CACNA1E: variants seen among roughly 807,000 people sequenced by gnomAD.
CACNA1E encodes the protein calcium voltage-gated channel subunit alpha1 E.
Under a neutral mutation model 259.2 loss-of-function variants are expected in CACNA1E, and 40 were observed. That is an observed-to-expected ratio of 0.15 (90% confidence interval 0.12 to 0.20). CACNA1E has a LOEUF of 0.20. CACNA1E is among the 10% of genes least tolerant of loss of function. CACNA1E has a pLI of 1.00. For synonymous variants in CACNA1E, 1,104 were observed against 1,138.5 expected, an observed-to-expected ratio of 0.97 and a Z score of 0.61; for missense variants, 1,874 against 3,040.1, an observed-to-expected ratio of 0.62 and a Z score of 9.02.
intron 7 of CACNA1E, among the ~76,000 whole-genome samples, chr1:181,691,858 A>G (rs948768802): frequency 3.3e-5 from 5 of 152,156 alleles, no homozygotes; most frequent in Admixed American, 6.6e-5. Flanking sequence ...GTATTCAAAT[A>G]GGAAAAGAAG....
chr1:181,330,301 C>T (rs975819470), intron 1 of CACNA1E, among the ~76,000 whole-genome samples: 2 of 152,120 alleles, frequency 1.3e-5, no homozygotes, highest in Non-Finnish European at 2.9e-5. Flanking sequence ...CACCACCCCT[C>T]CCTGCCATGG....
intron 6 of CACNA1E, among the ~76,000 whole-genome samples, chr1:181,582,281 T>TGAGA (rs1651617993): frequency 6.6e-6 from 1 of 152,190 alleles, no homozygotes; most frequent in African/African-American, 2.4e-5. Context: ...CACTCTGCAG[T>TGAGA]TCTCACCAGC....
At chr1:181,647,723 A>C (rs1042012399) in intron 6 of CACNA1E, among the ~76,000 whole-genome samples, 3 of 152,226 alleles carry the variant, frequency 2.0e-5, no homozygotes, top group Admixed American at 6.5e-5. Context: ...CTGGCATCAG[A>C]AAGAACCATG....
At chr1:181,342,473 G>A (rs1652239452) in intron 1 of CACNA1E, among the ~76,000 whole-genome samples, 1 of 152,040 alleles carries the variant, frequency 6.6e-6, no homozygotes, top group Non-Finnish European at 1.5e-5. Flanking sequence ...ACAGTAGAAT[G>A]GATAAATAAT....
At chr1:181,714,177 G>A (rs1475239736) in intron 8 of CACNA1E, among the ~76,000 whole-genome samples, 2 of 152,132 alleles carry the variant, frequency 1.3e-5, no homozygotes, top group Admixed American at 6.5e-5. Flanking sequence ...TATCTGCCTG[G>A]CTGACTACAA....
intron 34 of CACNA1E, among the ~76,000 whole-genome samples, chr1:181,765,714 G>A (rs1432562008): frequency 1.3e-5 from 2 of 152,128 alleles, no homozygotes; most frequent in Non-Finnish European, 2.9e-5. Flanking sequence ...CTTAGTGGAT[G>A]GTAAAGAAGA....
intron 18 of CACNA1E, among the ~76,000 whole-genome samples, chr1:181,729,646 A>G (rs916794539): frequency 6.6e-6 from 1 of 152,176 alleles, no homozygotes; most frequent in Non-Finnish European, 1.5e-5. Flanking sequence ...AGGCGTACAC[A>G]AGGTCTCATT....
At chr1:181,612,413 T>G (rs1423851689) in intron 6 of CACNA1E, among the ~76,000 whole-genome samples, 1 of 152,166 alleles carries the variant, frequency 6.6e-6, no homozygotes, top group African/African-American at 2.4e-5. Context: ...CTTTGCAAGG[T>G]TTTATTTTTC....
At chr1:181,402,832 CCTTA>C in intron 1 of CACNA1E, among the ~76,000 whole-genome samples, 1 of 152,294 alleles carries the variant, frequency 6.6e-6, no homozygotes, top group Middle Eastern at 3.4e-3. Context: ...CCTATACTAT[CCTTA>C]CTTCAACTTC....
upstream of CACNA1E, among the ~76,000 whole-genome samples, chr1:181,478,866 G>T (rs923436640): frequency 6.6e-6 from 1 of 152,248 alleles, no homozygotes; most frequent in Non-Finnish European, 1.5e-5. Context: ...CAGGCTGCCT[G>T]ATCTGGGGCA....
At chr1:181,482,463 T>C (rs987196119), upstream of CACNA1E, among the ~76,000 whole-genome samples, 5 of 152,234 alleles carry the variant, frequency 3.3e-5, no homozygotes, top group African/African-American at 1.2e-4. Context: ...TCACTGGACC[T>C]TTGCAGAGGT....
At chr1:181,474,519 A>G (rs370233096) in intron 2 of CACNA1E, among the ~76,000 whole-genome samples, 22 of 152,328 alleles carry the variant, frequency 1.4e-4, no homozygotes, top group African/African-American at 5.0e-4. Context: ...ATGTTTGTAC[A>G]CTTGGCTGGC....
intron 3 of CACNA1E, among the ~76,000 whole-genome samples, chr1:181,553,868 G>T (rs1648444264): frequency 6.6e-6 from 1 of 152,140 alleles, no homozygotes; most frequent in Non-Finnish European, 1.5e-5. Flanking sequence ...GATCGTGGTG[G>T]ATAAGTTTTT....
chr1:181,420,747 G>T (rs1658669820), intron 2 of CACNA1E, among the ~76,000 whole-genome samples: 2 of 152,268 alleles, frequency 1.3e-5, no homozygotes, highest in South Asian at 4.1e-4. Context: ...CACTATTATT[G>T]CATATGGGTC....
At chr1:181,730,551 C>T (rs1277765824) in intron 18 of CACNA1E, among the ~76,000 whole-genome samples, 2 of 152,228 alleles carry the variant, frequency 1.3e-5, no homozygotes, top group Non-Finnish European at 2.9e-5. Context: ...GGTCTATGGC[C>T]AGGGCCTCTG....
intron 3 of CACNA1E, among the ~76,000 whole-genome samples, chr1:181,544,485 A>G (rs1274947164): frequency 6.6e-6 from 1 of 152,234 alleles, no homozygotes; most frequent in African/African-American, 2.4e-5. Context: ...CTGCTATAAA[A>G]ATGCATATAG....
chr1:181,725,221 G>C (rs1023207258), intron 17 of CACNA1E, among the ~76,000 whole-genome samples: 1 of 152,194 alleles, frequency 6.6e-6, no homozygotes, highest in Non-Finnish European at 1.5e-5. Flanking sequence ...TGCATTCTCT[G>C]ATGATCTTTC....
intron 6 of CACNA1E, among the ~76,000 whole-genome samples, chr1:181,614,032 G>T (rs544440366): frequency 7.9e-5 from 12 of 152,122 alleles, no homozygotes; most frequent in African/African-American, 2.9e-4. Context: ...GTCATATAAT[G>T]ACTTCAATTT....
chr1:181,545,604 C>A (rs1647361952), intron 3 of CACNA1E, among the ~76,000 whole-genome samples: 1 of 152,138 alleles, frequency 6.6e-6, no homozygotes, highest in Admixed American at 6.5e-5. Flanking sequence ...GGGGCAGGAG[C>A]TCAAGAAGCT....
Sources: allele counts gnomAD v4.1 joint callset (sites outside exome capture counted in the v4.1 genomes callset), GRCh38; gene constraint gnomAD v4.1.1; transcripts MANE v1.5; gene names NCBI Gene and HGNC (gene_info 2026-07-23, HGNC 2026-07-21).